DPF3: variants seen among roughly 807,000 people sequenced by gnomAD.
DPF3 encodes the protein zinc finger protein DPF3.
Under a neutral mutation model 56.8 loss-of-function variants are expected in DPF3, and 18 were observed. That is an observed-to-expected ratio of 0.32 (90% confidence interval 0.22 to 0.47). DPF3 has a LOEUF of 0.47. Among genes scored for constraint, DPF3 ranks in the 20% least tolerant of loss-of-function variants. The pLI is 1.00. For missense variants in DPF3, 403 were observed against 488.8 expected, an observed-to-expected ratio of 0.82 and a Z score of 1.65; for synonymous variants, 188 against 180.2, an observed-to-expected ratio of 1.04 and a Z score of -0.35.
chr14:72,666,205 G>A (rs141008949), intron 8 of DPF3, among the ~76,000 whole-genome samples: 3 of 152,106 alleles, frequency 2.0e-5, no homozygotes, highest in East Asian at 1.9e-4. Context: ...CATTACTCCC[G>A]CTACCACTGG....
At chr14:72,884,032 G>A (rs531666780) in intron 1 of DPF3, among the ~76,000 whole-genome samples, 14 of 151,696 alleles carry the variant, frequency 9.2e-5, no homozygotes, top group East Asian at 1.9e-4. Flanking sequence ...CCCCTGCCCC[G>A]CCTCCACTTC....
chr14:72,735,600 A>G (rs1223417760), intron 3 of DPF3, among the ~76,000 whole-genome samples: 1 of 152,206 alleles, frequency 6.6e-6, no homozygotes, highest in African/African-American at 2.4e-5. Flanking sequence ...GCACAGAAAG[A>G]TATAGAGATT....
At chr14:72,622,454 A>G (rs987760972) in intron 9 of DPF3, among the ~76,000 whole-genome samples, 2 of 152,184 alleles carry the variant, frequency 1.3e-5, no homozygotes, top group African/African-American at 4.8e-5. Flanking sequence ...ACAAGTTAGG[A>G]TGGAGACAGA....
At chr14:72,892,140 A>G (rs1886777314) in intron 1 of DPF3, 1 of 1,532,972 alleles carries the variant, frequency 6.5e-7, no homozygotes, top group Admixed American at 2.0e-5. Context: ...CCCAGGAGGA[A>G]ACAAACCTGG....
In DPF3 at chr14:72,613,443, G is replaced by A. The variant is rs1007972707; in HGVS notation, c.*5854C>T. Among the ~76,000 whole-genome samples, 7 of 152,174 alleles carry A rather than the reference G, an allele frequency of 4.6e-5. No individual in the cohort carries two copies. Among genetic ancestry groups the A allele is most frequent in the East Asian group, 1.9e-4 (1 of 5,196 alleles). On this transcript the variant is annotated 3_prime_UTR_variant, in exon 11 of 11. Transcript: ENST00000556509. ...CCTCTGGCCTGCCCTGGGAAATGTC[G>A]CCATCAGCAAAATACTCCCTTCTCC...
intron 1 of DPF3, among the ~76,000 whole-genome samples, chr14:72,884,953 T>TATATATATATATATATATATATATAC (rs1316175906): frequency 0.022 from 1,596 of 73,658 alleles, 131 homozygotes; most frequent in Non-Finnish European, 0.034. Context: ...TATATATATA[T>TATATATATATATATATATATATATAC]ATATATATAT....
chr14:72,884,399 G>A (rs1189470128), intron 1 of DPF3, among the ~76,000 whole-genome samples: 26 of 152,050 alleles, frequency 1.7e-4, no homozygotes, highest in Admixed American at 1.7e-3. Flanking sequence ...TAATATAGTA[G>A]GTATTATTGA....
chr14:72,879,910 G>A, intron 1 of DPF3: 1 of 1,513,620 alleles, frequency 6.6e-7, no homozygotes, highest in Non-Finnish European at 8.8e-7. Flanking sequence ...GTTTTCCGGG[G>A]AGATGATCCA....
chr14:72,712,949 A>C (rs989455309), intron 6 of DPF3, among the ~76,000 whole-genome samples: 4 of 152,288 alleles, frequency 2.6e-5, no homozygotes, highest in Admixed American at 2.6e-4. Context: ...AGTTGTTGGC[A>C]TTCTTGATAG....
At chr14:72,779,060 G>A (rs934255008) in intron 1 of DPF3, among the ~76,000 whole-genome samples, 1 of 152,186 alleles carries the variant, frequency 6.6e-6, no homozygotes, top group African/African-American at 2.4e-5. Context: ...CCTTCTTGCT[G>A]ATTTACCCGC....
intron 3 of DPF3, among the ~76,000 whole-genome samples, chr14:72,740,331 T>C (rs886534287): frequency 6.9e-6 from 1 of 144,998 alleles, no homozygotes; most frequent in Admixed American, 6.7e-5. Flanking sequence ...AGAATCACTC[T>C]GAGAATAAGT....
At chr14:72,750,636 T>C (rs1890525272) in intron 3 of DPF3, among the ~76,000 whole-genome samples, 1 of 151,836 alleles carries the variant, frequency 6.6e-6, no homozygotes, top group African/African-American at 2.4e-5. Flanking sequence ...AAAAACGAAA[T>C]GAAGAAACTT....
chr14:72,834,103 GGGA>G (rs1388071491), intron 1 of DPF3, among the ~76,000 whole-genome samples: 2 of 151,894 alleles, frequency 1.3e-5, no homozygotes, highest in Admixed American at 6.6e-5. Context: ...AATTGAACCT[GGGA>G]GGAGAAGGTT....
chr14:72,786,418 G>A (rs933320350), intron 1 of DPF3, among the ~76,000 whole-genome samples: 20 of 152,120 alleles, frequency 1.3e-4, no homozygotes, highest in South Asian at 1.0e-3. Flanking sequence ...ACAGCCCCTC[G>A]GCCAAACATA....
intron 1 of DPF3, among the ~76,000 whole-genome samples, chr14:72,861,906 G>A (rs925364107): frequency 6.6e-6 from 1 of 152,130 alleles, no homozygotes; most frequent in Admixed American, 6.5e-5. Context: ...AATACAGCAT[G>A]TTCTATATTA....
At chr14:72,672,972 C>T (rs965679621) in intron 8 of DPF3, among the ~76,000 whole-genome samples, 2 of 152,140 alleles carry the variant, frequency 1.3e-5, no homozygotes, top group Non-Finnish European at 1.5e-5. Flanking sequence ...GTCTTCTACG[C>T]TAGCATCCAT....
intron 5 of DPF3, among the ~76,000 whole-genome samples, chr14:72,717,440 C>G (rs1349058506): frequency 6.6e-6 from 1 of 152,150 alleles, no homozygotes; most frequent in Non-Finnish European, 1.5e-5. Flanking sequence ...CACATCATTT[C>G]CCCCCTCCTT....
chr14:72,732,042 G>A, intron 3 of DPF3, 108 bp from the exon 4 acceptor site: 1 of 1,394,022 alleles, frequency 7.2e-7, no homozygotes, highest in South Asian at 1.4e-5. Context: ...AGGACTCGGG[G>A]CCTGTGCTCT....
At chr14:72,892,780 G>A (rs890545087) in intron 1 of DPF3, 10 of 823,310 alleles carry the variant, frequency 1.2e-5, no homozygotes, top group African/African-American at 3.7e-5. Context: ...GGGAAGTCCC[G>A]GTCGAAGGGG....
Sources: allele counts gnomAD v4.1 joint callset (sites outside exome capture counted in the v4.1 genomes callset), GRCh38; gene constraint gnomAD v4.1.1; transcripts MANE v1.5; gene names NCBI Gene and HGNC (gene_info 2026-07-23, HGNC 2026-07-21).